COL26A1: variants seen among roughly 807,000 people sequenced by gnomAD.
The protein encoded by COL26A1 is collagen type XXVI alpha 1 chain, also known as collagen alpha-1(XXVI) chain.
A neutral mutation model predicts 59.3 loss-of-function variants in COL26A1; 41 were observed. The observed-to-expected ratio is 0.69, with a 90% CI of 0.54 to 0.90. COL26A1 has a LOEUF of 0.90. Among genes scored for constraint, COL26A1 ranks in the 40% least tolerant of loss-of-function variants. The pLI is 0.00. For missense variants in COL26A1, 612 were observed against 602.3 expected (o/e 1.02, Z -0.17); for synonymous variants, 266 against 256.0 (o/e 1.04, Z -0.37).
At chr7:101,483,667 C>T (rs1794201922) in intron 3 of COL26A1, among the ~76,000 whole-genome samples, 1 of 137,442 alleles carries the variant, frequency 7.3e-6, no homozygotes, top group Non-Finnish European at 1.5e-5. Context: ...GCCACCATGT[C>T]CAGCTAACTT....
chr7:101,474,603 G>GAATAA (rs1255478322), intron 3 of COL26A1, among the ~76,000 whole-genome samples: 34 of 151,914 alleles, frequency 2.2e-4, no homozygotes, highest in African/African-American at 6.5e-4. Flanking sequence ...AAAAATAAAT[G>GAATAA]AATAAAATAA....
At chr7:101,383,333 ATTTTATTTTTTATTTTTAT>A (rs1562956229) in intron 1 of COL26A1, among the ~76,000 whole-genome samples, 1 of 151,760 alleles carries the variant, frequency 6.6e-6, no homozygotes, top group Non-Finnish European at 1.5e-5. Flanking sequence ...GAGGTGGAGA[ATTTTATTTTTTATTTTTAT>A]TTTTATTTTT....
intron 2 of COL26A1, among the ~76,000 whole-genome samples, chr7:101,423,397 C>T (rs1470826454): frequency 6.6e-6 from 1 of 152,204 alleles, no homozygotes; most frequent in African/African-American, 2.4e-5. Flanking sequence ...CATAGTTGTT[C>T]TCTCCTTTAC....
At chr7:101,553,510 G>A (rs1795903814) in intron 11 of COL26A1, 134 bp downstream of exon 11, 1 of 760,486 alleles carries the variant, frequency 1.3e-6, no homozygotes, top group African/African-American at 1.9e-5. Context: ...CGGGTGTACA[G>A]GGCCCCTGCC....
chr7:101,376,097 A>AGCCCAGAAGCG (rs1232737790), intron 1 of COL26A1, among the ~76,000 whole-genome samples: 11 of 149,264 alleles, frequency 7.4e-5, no homozygotes, highest in Non-Finnish European at 1.0e-4. Flanking sequence ...GCCCAGAAGC[A>AGCCCAGAAGCG]TGAGCCCAGC....
At chr7:101,525,171 C>CTTTTTTTTT (rs34881584) in intron 3 of COL26A1, among the ~76,000 whole-genome samples, 3 of 73,840 alleles carry the variant, frequency 4.1e-5, no homozygotes, top group African/African-American at 1.2e-4. Flanking sequence ...TGACTTCATT[C>CTTTTTTTTT]TTTTTTTTTT....
chr7:101,532,876 T>C (rs556012838), intron 3 of COL26A1, among the ~76,000 whole-genome samples: 1 of 152,266 alleles, frequency 6.6e-6, no homozygotes, highest in African/African-American at 2.4e-5. Flanking sequence ...CTGCGCGTGC[T>C]CAGAAGGGAG....
intron 3 of COL26A1, among the ~76,000 whole-genome samples, chr7:101,514,064 G>C (rs925080214): frequency 2.0e-5 from 3 of 152,072 alleles, no homozygotes; most frequent in Non-Finnish European, 2.9e-5. Flanking sequence ...GGCTCGGCAC[G>C]GTGGCTCACT....
In COL26A1 at chr7:101,363,202, G is replaced by C. The variant is rs555762601; in HGVS notation, c.158+12G>C. 5.5e-6 allele frequency: 8 copies of C among 1,445,096 alleles called. No homozygotes were observed. The South Asian group carries it at 9.6e-5, about 17-fold the overall frequency. The allele number at this position is 1,445,096 out of a possible 1,614,324, so 89.5% of individuals were successfully genotyped here. ...TACGCGAGCCGCCGGTGAGTAGCTC[G>C]GGGCCGAGGGGCCGGGGGGTGGGGG... On this transcript the variant is annotated intron_variant, in intron 1 of 12. Coordinates refer to ENST00000313669, the MANE Select transcript of COL26A1 (RefSeq NM_001278563.3).
chr7:101,555,605 G>C (rs1433483134), intron 11 of COL26A1, among the ~76,000 whole-genome samples, 182 bp from the exon 12 acceptor site: 1 of 152,168 alleles, frequency 6.6e-6, no homozygotes, highest in African/African-American at 2.4e-5. Flanking sequence ...AACAGGGTTT[G>C]AAGCCCTGTC....
chr7:101,547,087 C>T, intron 7 of COL26A1, 69 bp from the exon 8 acceptor site: 3 of 1,174,796 alleles, frequency 2.6e-6, no homozygotes, highest in South Asian at 1.4e-5. Flanking sequence ...GGCTCAGTGC[C>T]CCGGACCAGC....
At position 101,362,915 on chromosome 7, in the gene COL26A1, CT is replaced by C. The variant is rs1237560815; in HGVS notation, c.-117del. ...CCAGCTCGCACCCGGGCTCCGACCGCTCGCCCCGCTCCTCTCGCTGTGCTCC... is the reference window on the plus strand; with the variant it reads ...CCAGCTCGCACCCGGGCTCCGACCGCCGCCCCGCTCCTCTCGCTGTGCTCC... On this transcript the variant is annotated 5_prime_UTR_variant, in exon 1 of 13. Transcript: ENST00000313669. 3.6e-6 allele frequency: 4 copies of C among 1,102,128 alleles called. No individual in the cohort carries two copies. The highest frequency in any genetic ancestry group is 3.7e-6 in the Non-Finnish European group (3 of 812,608). The allele number at this position is 1,102,128 out of a possible 1,614,324, so 68.3% of individuals were successfully genotyped here.
chr7:101,434,186 CTCTCTCTCT>C (rs1792857782), intron 2 of COL26A1, among the ~76,000 whole-genome samples: 1 of 119,560 alleles, frequency 8.4e-6, no homozygotes, highest in Non-Finnish European at 1.8e-5. Context: ...TTCCTTCCTT[CTCTCTCTCT>C]CTCTCTCCCG....
chr7:101,366,688 G>C (rs1261315787), intron 1 of COL26A1, among the ~76,000 whole-genome samples: 2 of 151,828 alleles, frequency 1.3e-5, no homozygotes, highest in South Asian at 2.1e-4. Context: ...TTTCATAGAG[G>C]TGGGGTCCTG....
intron 1 of COL26A1, among the ~76,000 whole-genome samples, chr7:101,383,011 C>T (rs892629955): frequency 2.6e-5 from 4 of 152,110 alleles, no homozygotes; most frequent in Admixed American, 6.6e-5. Context: ...CACTGCACTC[C>T]AGCCTGGGTG....
intron 4 of COL26A1, among the ~76,000 whole-genome samples, chr7:101,537,015 C>T (rs1021442656): frequency 6.6e-6 from 1 of 152,226 alleles, no homozygotes. Flanking sequence ...AAACTGAGTA[C>T]CTGGCCAAAC....
chr7:101,473,607 TCCACACACACACACACAC>T (rs1400368274), intron 3 of COL26A1, among the ~76,000 whole-genome samples: 2 of 120,078 alleles, frequency 1.7e-5, no homozygotes, highest in African/African-American at 6.6e-5. Flanking sequence ...ACACCTTGTC[TCCACACACACACACACAC>T]ACACACACAC....
intron 2 of COL26A1, among the ~76,000 whole-genome samples, chr7:101,430,740 T>A (rs80191707): frequency 0.033 from 4,975 of 152,096 alleles, 110 homozygotes; most frequent in Non-Finnish European, 0.053. Context: ...ATGGAGGCAA[T>A]CATGTTGTTT....
intron 2 of COL26A1, among the ~76,000 whole-genome samples, chr7:101,442,850 C>A (rs1217847945): frequency 6.6e-6 from 1 of 151,918 alleles, no homozygotes; most frequent in Non-Finnish European, 1.5e-5. Flanking sequence ...TGTGTGAGTG[C>A]GTGTGTGGAA....
Sources: gnomAD v4.1 joint callset for allele counts (sites outside exome capture counted in the v4.1 genomes callset) on GRCh38, gnomAD v4.1.1 for gene constraint, MANE v1.5 for transcripts, NCBI Gene and HGNC (gene_info 2026-07-23, HGNC 2026-07-21) for gene names.